C4orf50: variants seen among roughly 807,000 people sequenced by gnomAD.
The protein encoded by C4orf50 is chromosome 4 open reading frame 50.
Under a neutral mutation model 77.2 loss-of-function variants are expected in C4orf50, and 80 were observed. The ratio of observed to expected loss-of-function variants is 1.04; its 90% CI spans 0.87 to 1.25. The LOEUF is 1.25. Ranked by LOEUF, C4orf50 falls within the 50% of genes most tolerant of loss-of-function variation. The pLI, the probability that C4orf50 is intolerant of heterozygous loss-of-function variation, is 0.00. For missense variants in C4orf50, 1,257 were observed against 1,152.9 expected, an observed-to-expected ratio of 1.09 and a Z score of -1.31; for synonymous variants, 532 against 465.3, an observed-to-expected ratio of 1.14 and a Z score of -1.84.
Position 6,000,428 on chromosome 4 carries a change from A to G in C4orf50, c.964-5952T>C, listed in dbSNP as rs1021792968. Reference sequence around the variant, plus strand: ...CTTCACATTTCCCAGTGGCCCTCTCAGGAGGAATTCTTCCTTTCCAGGCAG... The same window carrying G: ...CTTCACATTTCCCAGTGGCCCTCTCGGGAGGAATTCTTCCTTTCCAGGCAG... On this transcript the variant is annotated intron_variant, in intron 25 of 33. Coordinates refer to ENST00000531445, the Ensembl canonical transcript of C4orf50. The surrounding 1 kb of genome is among the most constrained non-coding windows in gnomAD (Gnocchi z 6.0). 1.3e-5 allele frequency among the ~76,000 whole-genome samples: 2 copies of G among 152,172 alleles called. No homozygotes were observed. Among genetic ancestry groups the G allele is most frequent in the African/African-American group, 4.8e-5 (2 of 41,442 alleles).
chr4:5,990,456 G>A (rs927327809), exon 28 of C4orf50: 17 of 401,006 alleles, frequency 4.2e-5, no homozygotes, highest in Non-Finnish European at 6.6e-5. Context: ...GATTTGAAAT[G>A]TAGGGGGCCT....
At chr4:5,966,893 C>G (rs1021087464) in intron 32 of C4orf50, among the ~76,000 whole-genome samples, 1 of 152,182 alleles carries the variant, frequency 6.6e-6, no homozygotes, top group African/African-American at 2.4e-5. Flanking sequence ...CGTGATCCGC[C>G]TGCCTCGGCC....
intron 25 of C4orf50, among the ~76,000 whole-genome samples, chr4:6,004,277 ATGG>A (rs1722097469): frequency 1.6e-5 from 1 of 60,764 alleles, no homozygotes; most frequent in Non-Finnish European, 3.0e-5. Flanking sequence ...GGTGATGGTG[ATGG>A]TGATGTTGGT....
chr4:6,002,048 A>G (rs916525609), intron 25 of C4orf50, among the ~76,000 whole-genome samples: 1 of 152,238 alleles, frequency 6.6e-6, no homozygotes, highest in Non-Finnish European at 1.5e-5. Context: ...CCTTCCCAAA[A>G]GAAATAGTAC....
Position 6,011,791 on chromosome 4 carries a change from G to A in C4orf50, c.426+39C>T. ...CTGCTGAGTTCCCACGGCTCTGCTG[G>A]ACAGGAAACAGGGCCTGGAAAGGAG... On this transcript the variant is annotated intron_variant, in intron 24 of 33. Transcript: ENST00000531445. This position sits in a 1 kb window ranked among gnomAD's most constrained non-coding sequence, Gnocchi z 4.2. 1 of 399,068 alleles carries A rather than the reference G, an allele frequency of 2.5e-6. No homozygotes were observed. The highest frequency in any genetic ancestry group is 4.4e-6 in the Non-Finnish European group (1 of 226,160). 24.7% of individuals were successfully genotyped at this position (399,068 alleles called of 1,614,324 possible).
chr4:5,988,506 A>G, exon 28 of C4orf50: 1 of 1,540,846 alleles, frequency 6.5e-7, no homozygotes, highest in South Asian at 1.2e-5. Flanking sequence ...CCAGCGATGG[A>G]GGGGGAGAAT....
intron 7 of C4orf50, among the ~76,000 whole-genome samples, chr4:5,928,199 T>C (rs142677517): frequency 6.6e-5 from 10 of 152,314 alleles, no homozygotes; most frequent in Non-Finnish European, 1.0e-4. Context: ...TTCACAAAAT[T>C]ACTCGGAAAC....
intron 7 of C4orf50, among the ~76,000 whole-genome samples, chr4:5,947,665 T>C (rs1718540167): frequency 6.6e-6 from 1 of 152,068 alleles, no homozygotes; most frequent in East Asian, 2.0e-4. Context: ...CAGCCCTTCC[T>C]TTTGCTGCCT....
intron 7 of C4orf50, among the ~76,000 whole-genome samples, chr4:5,944,764 G>C (rs558791172): frequency 6.6e-6 from 1 of 152,152 alleles, no homozygotes; most frequent in Non-Finnish European, 1.5e-5. Flanking sequence ...AGCTGGGACA[G>C]GGCTCAGCGG....
Position 5,995,474 on chromosome 4 carries a change from A to AACACACACACACAC in C4orf50, c.964-1012_964-999dup, listed in dbSNP as rs55858229. Among the ~76,000 whole-genome samples, 883 of 134,044 alleles carry AACACACACACACAC rather than the reference A, an allele frequency of 6.6e-3. 19 individuals carry two copies. The highest frequency in any genetic ancestry group is 0.024 in the Admixed American group (317 of 13,296). The allele number at this position is 134,044 out of a possible 152,430, so 87.9% of individuals were successfully genotyped here. A position where few individuals can be genotyped will look rare whatever the true frequency, so the allele number is the denominator to read the frequency against. On this transcript the variant is annotated intron_variant, in intron 25 of 33. Transcript: ENST00000531445. ...CACAGGGGAGAGGCTTGGGACTGGA[A>AACACACACACACAC]ACACACACACACACACACACACACA...
chr4:6,003,471 T>C (rs929741989), intron 25 of C4orf50, among the ~76,000 whole-genome samples: 7 of 151,104 alleles, frequency 4.6e-5, no homozygotes, highest in Non-Finnish European at 8.9e-5. Flanking sequence ...GTGATGATGG[T>C]GATGGTGGTC....
chr4:5,922,479 C>T (rs1435146736), intron 7 of C4orf50, among the ~76,000 whole-genome samples: 2 of 152,184 alleles, frequency 1.3e-5, no homozygotes, highest in African/African-American at 4.8e-5. Context: ...CTGGGCCCTG[C>T]ATCAGGTGTT....
chr4:5,975,906 G>T (rs535510720), exon 30 of C4orf50: 3 of 1,611,296 alleles, frequency 1.9e-6, no homozygotes, highest in African/African-American at 2.7e-5. Context: ...TACCTTCAGG[G>T]GAGTCACTGC....
At chr4:5,973,997 G>T (rs1720105210) in intron 30 of C4orf50, among the ~76,000 whole-genome samples, 156 bp from the exon 9 acceptor site, 1 of 152,170 alleles carries the variant, frequency 6.6e-6, no homozygotes, top group Non-Finnish European at 1.5e-5. Context: ...AAGCCTCCCT[G>T]CCCCCAGAAG....
At chr4:6,001,989 C>A (rs1721850094) in intron 25 of C4orf50, among the ~76,000 whole-genome samples, 1 of 152,186 alleles carries the variant, frequency 6.6e-6, no homozygotes, top group African/African-American at 2.4e-5. Flanking sequence ...GGAGAAGAGA[C>A]CATAAGCCGT....
At chr4:5,957,583 A>AG (rs1231491181) in exon 34 of C4orf50, 3 of 152,156 alleles carry the variant, frequency 2.0e-5, no homozygotes, top group African/African-American at 4.8e-5. Context: ...CAGGGTCTCC[A>AG]GGGGGGTCCC....
exon 34 of C4orf50, chr4:5,957,851 C>A (rs1406379947): frequency 1.3e-5 from 2 of 152,152 alleles, no homozygotes; most frequent in Non-Finnish European, 2.9e-5. Context: ...GAAATAAAAC[C>A]CACTAGTTTC....
intron 25 of C4orf50, among the ~76,000 whole-genome samples, chr4:6,006,124 G>C (rs1209057172): frequency 6.6e-6 from 1 of 152,170 alleles, no homozygotes; most frequent in Non-Finnish European, 1.5e-5. Context: ...ACAACAGCGA[G>C]AATAGGAGGA....
At chr4:5,973,976 T>C in intron 30 of C4orf50, 135 bp from the exon 9 acceptor site, 2 of 710,888 alleles carry the variant, frequency 2.8e-6, no homozygotes, top group Non-Finnish European at 4.5e-6. Flanking sequence ...CGGAGCAGCC[T>C]CCTCCCTGCG....
Sources: gnomAD v4.1 joint callset for allele counts (sites outside exome capture counted in the v4.1 genomes callset) on GRCh38, gnomAD v4.1.1 for gene constraint, Gnocchi (gnomAD v3.1) non-coding constraint, MANE v1.5 for transcripts, NCBI Gene and HGNC (gene_info 2026-07-23, HGNC 2026-07-21) for gene names.